Variants in NRG3 observed in about 807,000 individuals in gnomAD.
NRG3 encodes the protein neuregulin 3, also known as pro-neuregulin-3, membrane-bound isoform.
Under a neutral mutation model 66.9 loss-of-function variants are expected in NRG3, and 31 were observed. That is an observed-to-expected ratio of 0.46 (90% CI 0.35 to 0.63). The LOEUF (loss-of-function observed/expected upper bound fraction) is 0.63, where lower values mean the gene tolerates loss of function less well. Ranked by LOEUF, NRG3 falls within the 20% of genes least tolerant of loss-of-function variation. The pLI is 0.00. For synonymous variants in NRG3, 393 were observed against 359.4 expected (o/e 1.09, Z -1.06); for missense variants, 910 against 878.9 (o/e 1.04, Z -0.45).
chr10:82,477,726 T>C (rs547021416), intron 2 of NRG3, among the ~76,000 whole-genome samples: 1 of 152,244 alleles, frequency 6.6e-6, no homozygotes, highest in South Asian at 2.1e-4. Flanking sequence ...ATTTGATGAA[T>C]GTCAAGGCTG....
At chr10:82,299,651 T>C (rs933138235) in intron 1 of NRG3, among the ~76,000 whole-genome samples, 7 of 152,134 alleles carry the variant, frequency 4.6e-5, no homozygotes, top group Non-Finnish European at 1.0e-4. Flanking sequence ...CAGTGGCTGC[T>C]ATCCTGTTAC....
At chr10:82,520,817 T>C (rs1290544202) in intron 2 of NRG3, among the ~76,000 whole-genome samples, 1 of 152,200 alleles carries the variant, frequency 6.6e-6, no homozygotes, top group Non-Finnish European at 1.5e-5. Context: ...TCCCTGTCCT[T>C]TCTGGATTCT....
intron 2 of NRG3, among the ~76,000 whole-genome samples, chr10:82,669,248 G>GTAATAA (rs5786560): frequency 1.9e-4 from 27 of 143,022 alleles, no homozygotes; most frequent in South Asian, 6.9e-4. Flanking sequence ...ATTTATGATG[G>GTAATAA]TAATAATAAT....
chr10:81,923,347 A>G (rs1011473749), intron 1 of NRG3, among the ~76,000 whole-genome samples: 3 of 151,916 alleles, frequency 2.0e-5, no homozygotes, highest in East Asian at 3.9e-4. Context: ...CTGGGACTAC[A>G]GGCGCCCGCC....
chr10:82,654,022 C>A (rs1043481191), intron 2 of NRG3, among the ~76,000 whole-genome samples: 2 of 152,136 alleles, frequency 1.3e-5, no homozygotes, highest in African/African-American at 4.8e-5. Flanking sequence ...GTAAGCTGCA[C>A]AGAGCAGTTA....
At chr10:82,789,058 C>T (rs1008902859) in intron 3 of NRG3, among the ~76,000 whole-genome samples, 2 of 152,066 alleles carry the variant, frequency 1.3e-5, no homozygotes, top group African/African-American at 4.8e-5. Context: ...GCTGGGTCAT[C>T]TGGCAACTCC....
At chr10:82,824,441 T>C (rs2062093474) in intron 3 of NRG3, among the ~76,000 whole-genome samples, 1 of 152,146 alleles carries the variant, frequency 6.6e-6, no homozygotes, top group Admixed American at 6.5e-5. Flanking sequence ...TGAAGAACAG[T>C]CAAATTGTTT....
intron 2 of NRG3, among the ~76,000 whole-genome samples, chr10:82,658,002 A>T (rs1484021366): frequency 1.3e-5 from 2 of 152,026 alleles, no homozygotes; most frequent in East Asian, 3.9e-4. Context: ...TTCTACACAA[A>T]CTCTTCCAGG....
At chr10:82,382,719 A>G (rs1350404940) in intron 2 of NRG3, among the ~76,000 whole-genome samples, 2 of 152,026 alleles carry the variant, frequency 1.3e-5, no homozygotes, top group Non-Finnish European at 2.9e-5. Flanking sequence ...ACTGTAAAGT[A>G]GTTATCTGTA....
At chr10:82,312,636 G>A (rs911728642) in intron 1 of NRG3, among the ~76,000 whole-genome samples, 30 of 152,106 alleles carry the variant, frequency 2.0e-4, no homozygotes, top group Non-Finnish European at 4.3e-4. Context: ...TGGATTAGGG[G>A]GTATTGCAAG....
At chr10:82,243,220 A>G (rs76219169) in intron 1 of NRG3, among the ~76,000 whole-genome samples, 5,729 of 152,322 alleles carry the variant, frequency 0.038, 172 homozygotes, top group African/African-American at 0.082. Context: ...CTGGATATGT[A>G]AAAAATATAA....
intron 2 of NRG3, among the ~76,000 whole-genome samples, chr10:82,423,092 ATT>A (rs2089193450): frequency 2.0e-5 from 3 of 152,036 alleles, no homozygotes; most frequent in African/African-American, 7.2e-5. Flanking sequence ...GTTCAAATAA[ATT>A]AGACTATAGA....
At chr10:82,445,492 C>T (rs1223621753) in intron 2 of NRG3, among the ~76,000 whole-genome samples, 1 of 152,166 alleles carries the variant, frequency 6.6e-6, no homozygotes, top group East Asian at 1.9e-4. Context: ...AGCATGCCTT[C>T]TTAGGGGCTC....
intron 2 of NRG3, among the ~76,000 whole-genome samples, chr10:82,664,241 C>T (rs1298157630): frequency 1.3e-5 from 2 of 152,114 alleles, no homozygotes; most frequent in African/African-American, 2.4e-5. Context: ...TACTGCCATA[C>T]AATTTCTGTC....
At position 82,979,022 on chromosome 10, in the gene NRG3, C is replaced by T. The variant is rs749878937; in HGVS notation, c.1485C>T (p.Pro495=). ...MLHRNAFRRT[P]PSPRSRLGGI... ...ATAGGAATGCCTTCAGAAGGACACC[C>T]CCGTCACCCCGAAGTAGGCTAGGTG... is the stretch of plus-strand genomic sequence containing the variant. The change falls in exon 8 of 9, where the codon CCC becomes CCT. Residue 495 remains proline (P), a synonymous_variant. Transcript: ENST00000372141. The T allele has an allele frequency of 1.2e-5, 19 of 1,614,056 alleles. No homozygotes were observed. The South Asian group carries it at 1.8e-4, about 15-fold the overall frequency.
chr10:82,632,733 G>A (rs527250285), intron 2 of NRG3, among the ~76,000 whole-genome samples: 8 of 152,074 alleles, frequency 5.3e-5, no homozygotes, highest in East Asian at 3.9e-4. Context: ...AATATAAATC[G>A]TCTGTCTTTG....
intron 1 of NRG3, among the ~76,000 whole-genome samples, chr10:81,901,916 A>G (rs1261426550): frequency 2.0e-5 from 3 of 152,142 alleles, no homozygotes; most frequent in Non-Finnish European, 4.4e-5. Flanking sequence ...GACCACTTAC[A>G]TGTTTACTTA....
chr10:82,215,011 T>C (rs1355564306), intron 1 of NRG3, among the ~76,000 whole-genome samples: 1 of 152,206 alleles, frequency 6.6e-6, no homozygotes, highest in Non-Finnish European at 1.5e-5. Context: ...AGTTAAGTAC[T>C]CATATCTAAA....
intron 2 of NRG3, among the ~76,000 whole-genome samples, chr10:82,396,852 T>C (rs570772621): frequency 2.0e-5 from 3 of 152,290 alleles, no homozygotes; most frequent in African/African-American, 7.2e-5. Context: ...AAGTCTTTTT[T>C]CCTATAAAGG....
Sources: gnomAD v4.1 joint callset for allele counts (sites outside exome capture counted in the v4.1 genomes callset) on GRCh38, gnomAD v4.1.1 for gene constraint, MANE v1.5 for transcripts, NCBI Gene and HGNC (gene_info 2026-07-23, HGNC 2026-07-21) for gene names.